Variants in MGRN1 observed in about 807,000 individuals in gnomAD.
MGRN1 encodes mahogunin ring finger 1, also known as E3 ubiquitin-protein ligase MGRN1.
MGRN1 carries 29 observed loss-of-function variants against 69.2 expected under a neutral mutation model. The ratio of observed to expected loss-of-function variants is 0.42; its 90% CI spans 0.31 to 0.57. MGRN1 has a LOEUF of 0.57. MGRN1 is among the 20% of genes least tolerant of loss of function. The pLI is 0.15. For synonymous variants in MGRN1, 470 were observed against 344.2 expected (o/e 1.37, Z -4.04); for missense variants, 998 against 796.2 (o/e 1.25, Z -3.05).
At chr16:4,688,327 T>G (rs1420600498) in intron 16 of MGRN1, 1 of 988,422 alleles carries the variant, frequency 1.0e-6, no homozygotes, top group Non-Finnish European at 1.2e-6. Flanking sequence ...CTCTTTGCCT[T>G]GCAGTAGCCA....
At chr16:4,681,234 T>A in intron 12 of MGRN1, 1 of 393,630 alleles carries the variant, frequency 2.5e-6, no homozygotes, top group Non-Finnish European at 4.6e-6. Flanking sequence ...AACCCTTCAC[T>A]CTCCACCTGG....
chr16:4,669,502 G>C (rs970344521), intron 8 of MGRN1, among the ~76,000 whole-genome samples: 1 of 151,018 alleles, frequency 6.6e-6, no homozygotes, highest in Admixed American at 6.6e-5. Flanking sequence ...TGGGACGACG[G>C]GTCCCTGTCT....
chr16:4,658,421 A>G (rs1228105609), intron 5 of MGRN1, among the ~76,000 whole-genome samples: 1 of 151,916 alleles, frequency 6.6e-6, no homozygotes, highest in Non-Finnish European at 1.5e-5. Context: ...CTGTAGTCCC[A>G]CCTACTGGGG....
intron 3 of MGRN1, 27 bp from the exon 4 acceptor site, chr16:4,652,651 T>A: frequency 6.3e-7 from 1 of 1,592,002 alleles, no homozygotes; most frequent in Non-Finnish European, 8.6e-7. Flanking sequence ...GCTGACCCGC[T>A]GCCTTTCTCT....
Position 4,677,469 on chromosome 16 carries a change from G to T in MGRN1, c.962G>T (p.Arg321Leu). ...NNCPICRLPF[R>L]ALLQIRAVRK... ...AGCCCTCCTTCTGCCGCAGCTTTCC[G>T]GGCCCTCCTGCAGATCCGGGCGGTG... is the stretch of plus-strand genomic sequence containing the variant. The change falls in exon 11 of 17, where the codon CGG (arginine) becomes CTG (leucine). Residue 321 changes from arginine (R) to leucine (L), a missense_variant. Physicochemically the swap from Arg to Leu is moderately radical, Grantham distance 102. Transcript: ENST00000262370. The T allele has an allele frequency of 6.4e-7, 1 of 1,557,972 alleles. No individual in the cohort carries two copies. The highest frequency in any genetic ancestry group is 8.7e-7 in the Non-Finnish European group (1 of 1,155,366).
chr16:4,668,315 A>G lies in MGRN1; in HGVS notation c.726+3A>G, dbSNP rs201792198. 6.2e-7 allele frequency: 1 copy of G among 1,613,788 alleles called. No homozygotes were observed. The highest frequency in any genetic ancestry group is 8.5e-7 in the Non-Finnish European group (1 of 1,179,878). On this transcript the variant is annotated splice_donor_region_variant and intron_variant, in intron 8 of 16. Coordinates refer to ENST00000262370, the MANE Select transcript of MGRN1 (RefSeq NM_015246.4). ...AGCCTTTAAAGCAGAAGCAAATTGT[A>G]AGTCATCAGAGGAAATATGACGTGC...
intron 1 of MGRN1, among the ~76,000 whole-genome samples, chr16:4,631,308 A>G (rs55857866): frequency 0.029 from 4,474 of 152,286 alleles, 218 homozygotes; most frequent in African/African-American, 0.1. Context: ...AAGCAAGACC[A>G]TGTCTCTTAA....
At chr16:4,667,990 G>A (rs964323610) in intron 7 of MGRN1, among the ~76,000 whole-genome samples, 1 of 152,116 alleles carries the variant, frequency 6.6e-6, no homozygotes, top group East Asian at 1.9e-4. Context: ...GAGACCAACC[G>A]AGGAGAGTTG....
At chr16:4,673,069 A>T (rs2141951738) in intron 9 of MGRN1, among the ~76,000 whole-genome samples, 1 of 152,090 alleles carries the variant, frequency 6.6e-6, no homozygotes, top group East Asian at 1.9e-4. Flanking sequence ...CGATCTCCTG[A>T]CCTCGTGATC....
In MGRN1 at chr16:4,689,161, C is replaced by G. The variant is rs950126783; in HGVS notation, c.*253C>G. ...CTTTCCATCCCTAGTTCAGAGCCCC[C>G]GTTCCCCAGGGTCCTGTGGGCTGAG... On this transcript the variant is annotated 3_prime_UTR_variant, in exon 17 of 17. Transcript: ENST00000262370. 10 of 491,850 alleles carry G rather than the reference C, an allele frequency of 2.0e-5. No individual in the cohort carries two copies. Among genetic ancestry groups the G allele is most frequent in the South Asian group, 4.7e-5 (1 of 21,202 alleles). 30.5% of individuals were successfully genotyped at this position (491,850 alleles called of 1,614,324 possible).
intron 2 of MGRN1, among the ~76,000 whole-genome samples, chr16:4,651,567 G>A (rs965072221): frequency 6.6e-6 from 1 of 152,130 alleles, no homozygotes; most frequent in African/African-American, 2.4e-5. Flanking sequence ...TAAACTTTGG[G>A]GGCCCTGGGG....
chr16:4,653,596 C>T (rs1024478552), intron 4 of MGRN1, among the ~76,000 whole-genome samples: 1 of 152,128 alleles, frequency 6.6e-6, no homozygotes, highest in Non-Finnish European at 1.5e-5. Flanking sequence ...TGAAGCAATT[C>T]TCCTGCCTCA....
At chr16:4,683,711 G>C (rs2079242070) in intron 15 of MGRN1, 132 bp from the exon 16 acceptor site, 1 of 702,318 alleles carries the variant, frequency 1.4e-6, no homozygotes, top group Non-Finnish European at 2.4e-6. Context: ...GTGGAGTCCT[G>C]CTGGAGCACA....
rs372871899 is a variant in MGRN1 at position 4,625,193 on chromosome 16, G to A, written c.88+145G>A. 3.8e-5 allele frequency: 27 copies of A among 719,278 alleles called. No homozygotes were observed. In the East Asian group the frequency reaches 7.8e-4, roughly 21 times the overall value. The allele number at this position is 719,278 out of a possible 1,614,324, so 44.6% of individuals were successfully genotyped here. On this transcript the variant is annotated intron_variant, in intron 1 of 16. Transcript: ENST00000262370. ...ACCCCGAGCCTTCGCGCGGCCCCAC[G>A]GCCCCGATCCCTAGGCGTGGCTGGG... is the stretch of plus-strand genomic sequence containing the variant.
At chr16:4,679,716 C>T (rs2079134171) in intron 11 of MGRN1, among the ~76,000 whole-genome samples, 1 of 152,206 alleles carries the variant, frequency 6.6e-6, no homozygotes, top group African/African-American at 2.4e-5. Flanking sequence ...CGTTCAGCTG[C>T]CCTCACGTCC....
intron 9 of MGRN1, 133 bp from the exon 10 acceptor site, chr16:4,673,365 C>G (rs1046262737): frequency 8.3e-7 from 1 of 1,208,862 alleles, no homozygotes; most frequent in Non-Finnish European, 1.2e-6. Flanking sequence ...ACCTCCCCCT[C>G]CCCTCTGGAC....
intron 16 of MGRN1, among the ~76,000 whole-genome samples, chr16:4,684,631 G>GCCCCAGA (rs1213693032): frequency 6.6e-6 from 1 of 152,240 alleles, no homozygotes; most frequent in Admixed American, 6.5e-5. Context: ...GGAGGCTCGG[G>GCCCCAGA]CCCCAGACCC....
intron 1 of MGRN1, among the ~76,000 whole-genome samples, chr16:4,632,006 C>CCTTTT (rs1898029137): frequency 9.5e-6 from 1 of 104,960 alleles, no homozygotes; most frequent in African/African-American, 4.5e-5. Flanking sequence ...TAAAAAATTT[C>CCTTTT]CTTTTTTTTT....
At chr16:4,688,117 C>A in intron 16 of MGRN1, 1 of 985,650 alleles carries the variant, frequency 1.0e-6, no homozygotes, top group African/African-American at 1.7e-5. Context: ...GAGAGTGGGG[C>A]CTGGGCCGTG....
Sources: allele counts gnomAD v4.1 joint callset (sites outside exome capture counted in the v4.1 genomes callset), GRCh38; gene constraint gnomAD v4.1.1; transcripts MANE v1.5; gene names NCBI Gene and HGNC (gene_info 2026-07-23, HGNC 2026-07-21).